Variants in BTG2 observed in about 807,000 individuals in gnomAD.
The protein encoded by BTG2 is BTG anti-proliferation factor 2.
In BTG2, 9 loss-of-function variants were observed where a neutral mutation model predicts 13.1. The observed-to-expected ratio is 0.69, with a 90% CI of 0.41 to 1.20. The LOEUF (loss-of-function observed/expected upper bound fraction) is 1.20, where lower values mean the gene tolerates loss of function less well. Among genes scored for constraint, BTG2 ranks in the 50% most tolerant of loss-of-function variants. BTG2 has a pLI of 0.00. For synonymous variants in BTG2, 92 were observed against 88.6 expected (o/e 1.04, Z -0.21); for missense variants, 200 against 209.5 (o/e 0.95, Z 0.28).
chr1:203,306,107 G>A (rs1658256956), intron 1 of BTG2, among the ~76,000 whole-genome samples: 1 of 152,160 alleles, frequency 6.6e-6, no homozygotes, highest in Non-Finnish European at 1.5e-5. Flanking sequence ...TGTTGTTGCG[G>A]GCCGCCCGGT....
intron 1 of BTG2, among the ~76,000 whole-genome samples, chr1:203,306,162 T>C (rs549692777): frequency 6.6e-6 from 1 of 152,268 alleles, no homozygotes; most frequent in Admixed American, 6.5e-5. Context: ...GTCGAGCCTT[T>C]TCAACAATTT....
intron 1 of BTG2, among the ~76,000 whole-genome samples, chr1:203,306,471 A>G (rs2102284801): frequency 6.6e-6 from 1 of 152,138 alleles, no homozygotes; most frequent in South Asian, 2.1e-4. Flanking sequence ...GCCATCTCGG[A>G]ACGCACCCAC....
rs376775426 is a variant in BTG2, at chr1:203,307,294, C to T, written c.333C>T (p.Tyr111=). ...GGGTGGACCCCTATGAGGTGTCCTACCGCATTGGGGAGGACGGCTCCATCT... is the reference window on the plus strand; with the variant it reads ...GGGTGGACCCCTATGAGGTGTCCTATCGCATTGGGGAGGACGGCTCCATCT... ...TLWVDPYEVS[Y]RIGEDGSICV... Residue 111 remains tyrosine, a synonymous_variant, in exon 2 of 2, where the codon TAC becomes TAT. Transcript: ENST00000290551. 15 of 1,614,090 alleles carry T rather than the reference C, an allele frequency of 9.3e-6. No homozygotes were observed. Among genetic ancestry groups the T allele is most frequent in the Non-Finnish European group, 1.2e-5 (14 of 1,180,054 alleles).
rs368773937 is a variant in BTG2, at chr1:203,305,600, G to A, written c.-7G>A. The A allele has an allele frequency of 3.7e-5, 59 of 1,600,926 alleles. No homozygotes were observed. The African/African-American group carries it at 6.4e-4, about 17-fold the overall frequency. Reference sequence around the variant, plus strand: ...AGACCTCTCACTGAGCCCGAGCCGCGCGCGACATGAGCCACGGGAAGGGAA... The same window carrying A: ...AGACCTCTCACTGAGCCCGAGCCGCACGCGACATGAGCCACGGGAAGGGAA... On this transcript the variant is annotated 5_prime_UTR_variant, in exon 1 of 2. Coordinates refer to ENST00000290551, the MANE Select transcript of BTG2 (RefSeq NM_006763.3).
At chr1:203,306,088 C>G (rs1571500491) in intron 1 of BTG2, among the ~76,000 whole-genome samples, 1 of 152,274 alleles carries the variant, frequency 6.6e-6, no homozygotes, top group African/African-American at 2.4e-5. Flanking sequence ...TCTTAAGACC[C>G]TCGATGGATG....
In BTG2 at chr1:203,305,645, C is replaced by T. The variant is rs1473959157; in HGVS notation, c.39C>T (p.Ile13=). Residue 13 remains isoleucine (I), a synonymous_variant, in exon 1 of 2, where the codon ATC becomes ATT. Transcript: ENST00000290551. ...AGGGAACCGACATGCTCCCGGAGAT[C>T]GCCGCCGCCGTGGGCTTCCTCTCCA... The part of the protein sequence containing the change: ...HGKGTDMLPE[I]AAAVGFLSSL... 3 of 1,586,668 alleles carry T rather than the reference C, an allele frequency of 1.9e-6. No individual in the cohort carries two copies. The highest frequency in any genetic ancestry group is 2.6e-6 in the Non-Finnish European group (3 of 1,167,004).
rs779377968 is a variant in BTG2 at position 203,307,397 on chromosome 1, A to G, written c.436A>G (p.Ser146Gly). 2 of 1,604,024 alleles carry G rather than the reference A, an allele frequency of 1.2e-6. No individual in the cohort carries two copies. The highest frequency in any genetic ancestry group is 1.7e-6 in the Non-Finnish European group (2 of 1,172,298). Residue 146 changes from serine (S) to glycine (G), a missense_variant, in exon 2 of 2, where the codon AGC (serine) becomes GGC (glycine). Coordinates refer to ENST00000290551, the MANE Select transcript of BTG2 (RefSeq NM_006763.3). ...TCKNQVLLGR[S>G]SPSKNYVMAV... is the part of the protein sequence containing the mutation. The stretch of plus-strand genomic sequence containing the variant: ...CAAGAACCAAGTGCTGCTGGGCCGG[A>G]GCAGCCCCTCCAAGAACTACGTGAT...
chr1:203,307,058 C>T (rs1167170997), intron 1 of BTG2, 46 bp from the exon 2 acceptor site: 1 of 1,552,890 alleles, frequency 6.4e-7, no homozygotes. Flanking sequence ...TATCCATGGC[C>T]TAGCTGCTCT....
At chr1:203,306,426 T>C (rs1658275191) in intron 1 of BTG2, among the ~76,000 whole-genome samples, 1 of 152,196 alleles carries the variant, frequency 6.6e-6, no homozygotes, top group East Asian at 1.9e-4. Context: ...TCCCAGCTGT[T>C]TCTAGCTGGT....
chr1:203,306,841 C>T (rs1356933276), intron 1 of BTG2, among the ~76,000 whole-genome samples: 2 of 55,654 alleles, frequency 3.6e-5, no homozygotes, highest in Non-Finnish European at 7.2e-5. Context: ...CACACACACA[C>T]ACTCAGTCAC....
chr1:203,307,350 C>T lies in BTG2; in HGVS notation c.389C>T (p.Ala130Val), dbSNP rs961774679. The stretch of plus-strand genomic sequence containing the variant: ...TTGTACGAGGAGGCCCCACTGGCCG[C>T]CTCCTGTGGGCTCCTCACCTGCAAG... ...CVLYEEAPLA[A>V]SCGLLTCKNQ... The change falls in exon 2 of 2, where the codon GCC becomes GTC. Residue 130 changes from alanine (A) to valine (V), a missense_variant. By Grantham distance (64) the Ala-to-Val change is moderately conservative. Transcript: ENST00000290551. 2 of 1,613,852 alleles carry T rather than the reference C, an allele frequency of 1.2e-6. No homozygotes were observed. The highest frequency in any genetic ancestry group is 1.7e-6 in the Non-Finnish European group (2 of 1,179,814).
chr1:203,306,559 AG>A, intron 1 of BTG2, among the ~76,000 whole-genome samples: 1 of 152,218 alleles, frequency 6.6e-6, no homozygotes, highest in East Asian at 1.9e-4. Context: ...CTGCTAAGGA[AG>A]GTTCTCTGAC....
chr1:203,305,744 C>G lies in BTG2; in HGVS notation c.138C>G (p.Leu46=). 6.5e-7 allele frequency: 1 copy of G among 1,547,162 alleles called. No homozygotes were observed. The highest frequency in any genetic ancestry group is 2.0e-5 in the Admixed American group (1 of 50,604). ...TCAGCGGGGCGCTCCAGGAGGCACTCACAGGTGAGCGCATGCCGAGGGGCC... is the reference window on the plus strand; with the variant it reads ...TCAGCGGGGCGCTCCAGGAGGCACTGACAGGTGAGCGCATGCCGAGGGGCC... ...KVFSGALQEA[L]TEHYKHHWFP... Residue 46 remains leucine (L), a synonymous_variant, in exon 1 of 2, where the codon CTC becomes CTG. Coordinates refer to ENST00000290551, the MANE Select transcript of BTG2 (RefSeq NM_006763.3).
intron 1 of BTG2, among the ~76,000 whole-genome samples, chr1:203,306,848 TCACACACACA>T (rs56272333): frequency 1.1e-4 from 15 of 131,402 alleles, no homozygotes; most frequent in African/African-American, 2.7e-4. Context: ...ACACACTCAG[TCACACACACA>T]CACACACACA....
intron 1 of BTG2, among the ~76,000 whole-genome samples, chr1:203,306,043 A>C (rs1658254689): frequency 1.3e-5 from 2 of 152,040 alleles, no homozygotes; most frequent in Admixed American, 6.5e-5. Context: ...CCCCTGTCTC[A>C]TTACGGGCTC....
intron 1 of BTG2, 102 bp downstream of exon 1, chr1:203,305,850 C>A: frequency 1.4e-6 from 2 of 1,448,158 alleles, no homozygotes; most frequent in South Asian, 1.3e-5. Flanking sequence ...ACGGGAGCAG[C>A]TTTGGGACTC....
At chr1:203,306,894 C>T (rs902222905) in intron 1 of BTG2, among the ~76,000 whole-genome samples, 1 of 151,572 alleles carries the variant, frequency 6.6e-6, no homozygotes, top group Admixed American at 6.6e-5. Flanking sequence ...ATACACTTGT[C>T]CTGGAAGCAG....
intron 1 of BTG2, 118 bp downstream of exon 1, chr1:203,305,866 C>T: frequency 7.3e-7 from 1 of 1,372,358 alleles, no homozygotes; most frequent in Non-Finnish European, 9.6e-7. Flanking sequence ...GACTCGGTGG[C>T]CCTCCTCCGA....
At chr1:203,305,819 A>C (rs576960896) in intron 1 of BTG2, 71 bp downstream of exon 1, 3 of 1,487,204 alleles carry the variant, frequency 2.0e-6, no homozygotes, top group South Asian at 2.6e-5. Context: ...TCTTTCTTCT[A>C]CTCCTGCGGC....
Sources: allele counts gnomAD v4.1 joint callset (sites outside exome capture counted in the v4.1 genomes callset), GRCh38; gene constraint gnomAD v4.1.1; transcripts MANE v1.5; gene names NCBI Gene and HGNC (gene_info 2026-07-23, HGNC 2026-07-21).